GEMIN5: variants seen among roughly 807,000 people sequenced by gnomAD.
GEMIN5 encodes the protein gem nuclear organelle associated protein 5.
In GEMIN5, 124 loss-of-function variants were observed where a neutral mutation model predicts 176.9. The observed-to-expected ratio is 0.70, with a 90% CI of 0.61 to 0.81. The LOEUF is 0.81. GEMIN5 is among the 40% of genes least tolerant of loss of function. GEMIN5 has a pLI of 0.00. For missense variants in GEMIN5, 1,843 were observed against 1,814.6 expected (o/e 1.02, Z -0.28); for synonymous variants, 673 against 665.2 (o/e 1.01, Z -0.18).
intron 5 of GEMIN5, among the ~76,000 whole-genome samples, chr5:154,930,867 A>G (rs1226931265): frequency 6.6e-6 from 1 of 151,860 alleles, no homozygotes; most frequent in Admixed American, 6.5e-5. Context: ...AAGAAAGAAG[A>G]GAAGCCCGCT....
intron 11 of GEMIN5, 35 bp from the exon 12 acceptor site, chr5:154,918,039 CAT>C (rs1320428831): frequency 1.5e-6 from 2 of 1,324,334 alleles, no homozygotes; most frequent in Non-Finnish European, 2.2e-6. Context: ...TGACTATATA[CAT>C]ATCTCACAAA....
chr5:154,924,782 G>C lies in GEMIN5; in HGVS notation c.1294-228C>G, dbSNP rs199704979. On this transcript the variant is annotated intron_variant, in intron 8 of 27. Transcript: ENST00000285873. Reference sequence around the variant, plus strand: ...AGGCGGGCGGATCACGAGGTCAGGAGATCGAGACCATCCTGGCTAACACAG... The same window carrying C: ...AGGCGGGCGGATCACGAGGTCAGGACATCGAGACCATCCTGGCTAACACAG... 1.8e-3 allele frequency among the ~76,000 whole-genome samples: 277 copies of C among 152,214 alleles called. 4 individuals carry two copies. In the East Asian group the frequency reaches 0.024, roughly 13 times the overall value.
chr5:154,902,589 G>C lies in GEMIN5; in HGVS notation c.2816C>G (p.Ala939Gly). The part of the protein sequence containing the change: ...KGDLKGVLQT[A>G]AERGELTDNL... Reference sequence around the variant, plus strand: ...GTCTGTCAGCTCCCCTCTTTCTGCTGCAGTCTGGAGAACACCTTTGAGATC... The same window carrying C: ...GTCTGTCAGCTCCCCTCTTTCTGCTCCAGTCTGGAGAACACCTTTGAGATC... Residue 939 changes from alanine to glycine, a missense_variant, in exon 20 of 28, where the codon GCA (alanine) becomes GGA (glycine). Physicochemically the swap from Ala to Gly is moderately conservative, Grantham distance 60. Coordinates refer to ENST00000285873, the MANE Select transcript of GEMIN5 (RefSeq NM_015465.5). 6.2e-7 allele frequency: 1 copy of C among 1,613,990 alleles called. No homozygotes were observed. The highest frequency in any genetic ancestry group is 8.5e-7 in the Non-Finnish European group (1 of 1,179,834).
chr5:154,894,042 T>C (rs567137885), intron 24 of GEMIN5, among the ~76,000 whole-genome samples: 1 of 152,310 alleles, frequency 6.6e-6, no homozygotes, highest in East Asian at 1.9e-4. Flanking sequence ...TCTCCCAGAT[T>C]TGAATGATTC....
chr5:154,932,285 A>ACCC, intron 3 of GEMIN5, 35 bp from the exon 4 acceptor site: 1 of 1,504,630 alleles, frequency 6.6e-7, no homozygotes, highest in Non-Finnish European at 9.2e-7. Flanking sequence ...TACTAAAAAA[A>ACCC]TGAAGACAGA....
At chr5:154,904,163 A>G (rs1161324527) in intron 18 of GEMIN5, among the ~76,000 whole-genome samples, 1 of 152,170 alleles carries the variant, frequency 6.6e-6, no homozygotes, top group Non-Finnish European at 1.5e-5. Flanking sequence ...TCTCCATAGG[A>G]TACTGTTCAA....
rs1582681513 is a variant in GEMIN5, at chr5:154,936,965, CAGA to C, written c.327+57_327+59del. ...ATGAGCTAGCAAAACTAGCTTGCAA[CAGA>C]AGAACCCTCAGCACAGATAGATAAA... On this transcript the variant is annotated intron_variant, in intron 2 of 27. Coordinates refer to ENST00000285873, the MANE Select transcript of GEMIN5 (RefSeq NM_015465.5). 8 of 1,358,810 alleles carry C rather than the reference CAGA, an allele frequency of 5.9e-6. No individual in the cohort carries two copies. In the East Asian group the frequency reaches 9.4e-5, roughly 16 times the overall value. The allele number at this position is 1,358,810 out of a possible 1,614,324, so 84.2% of individuals were successfully genotyped here. A position where few individuals can be genotyped will look rare whatever the true frequency, so the allele number is the denominator to read the frequency against.
At chr5:154,928,935 T>A (rs1055398183) in intron 5 of GEMIN5, among the ~76,000 whole-genome samples, 4 of 152,052 alleles carry the variant, frequency 2.6e-5, no homozygotes, top group Admixed American at 6.6e-5. Flanking sequence ...GAGTATTTTT[T>A]TTTTTTGGCC....
At position 154,938,057 on chromosome 5, in the gene GEMIN5, C is replaced by A; in HGVS notation, c.77G>T (p.Gly26Val). The change falls in exon 1 of 28, where the codon GGC becomes GTC. Residue 26 changes from glycine to valine, a missense_variant. Gly to Val is a moderately radical substitution (Grantham distance 109, BLOSUM62 -3). Transcript: ENST00000285873. The stretch of plus-strand genomic sequence containing the variant: ...GGTCCGCGCGGCGAAGCCAAAGAGG[C>A]CCCCGGGCACGGCATCGCTGCAGCG... ...CARCSDAVPGGLFGFAARTSV... is the reference protein window; with the variant it reads ...CARCSDAVPGVLFGFAARTSV... The A allele has an allele frequency of 6.5e-7, 1 of 1,532,768 alleles. No individual in the cohort carries two copies. Among genetic ancestry groups the A allele is most frequent in the Non-Finnish European group, 8.7e-7 (1 of 1,143,722 alleles). The allele number at this position is 1,532,768 out of a possible 1,614,324, so 94.9% of individuals were successfully genotyped here.
At chr5:154,895,614 G>A (rs770359701) in intron 24 of GEMIN5, among the ~76,000 whole-genome samples, 3 of 152,184 alleles carry the variant, frequency 2.0e-5, no homozygotes, top group Non-Finnish European at 4.4e-5. Context: ...AATGAAACCA[G>A]AAAACCCTAC....
chr5:154,925,025 A>G (rs963336335), intron 8 of GEMIN5, among the ~76,000 whole-genome samples: 4 of 152,106 alleles, frequency 2.6e-5, no homozygotes, highest in African/African-American at 9.7e-5. Context: ...AAAAAAACAA[A>G]GTCAATGTCA....
In GEMIN5 at chr5:154,921,350, C is replaced by A; in HGVS notation, c.1455G>T (p.Met485Ile). 7.6e-7 allele frequency: 1 copy of A among 1,307,894 alleles called. No homozygotes were observed. The highest frequency in any genetic ancestry group is 1.1e-6 in the Non-Finnish European group (1 of 905,904). 81.0% of individuals were successfully genotyped at this position (1,307,894 alleles called of 1,614,324 possible). ...AATTGTTCAGATACTTACCAAGTGA[C>A]ATGGGGGGTACTGGTGGCCCCCAGG... is the stretch of plus-strand genomic sequence containing the variant. The part of the protein sequence containing the change: ...TLAWGPPVPP[M>I]SLGGEGDRPS... Residue 485 changes from methionine to isoleucine, a missense_variant, in exon 10 of 28, where the codon ATG becomes ATT. By Grantham distance (10) the Met-to-Ile change is conservative (BLOSUM62 1). Coordinates refer to ENST00000285873, the MANE Select transcript of GEMIN5 (RefSeq NM_015465.5).
At chr5:154,923,625 A>T (rs1436894509) in intron 9 of GEMIN5, among the ~76,000 whole-genome samples, 2 of 152,218 alleles carry the variant, frequency 1.3e-5, no homozygotes, top group Non-Finnish European at 2.9e-5. Context: ...ATTTTATTTA[A>T]TCTTCATATG....
At chr5:154,904,427 T>TC (rs1763528119) in intron 18 of GEMIN5, 80 bp downstream of exon 18, 1 of 1,200,464 alleles carries the variant, frequency 8.3e-7, no homozygotes, top group East Asian at 2.4e-5. Flanking sequence ...CTTTGGGCAT[T>TC]CATTTAATAA....
chr5:154,892,905 TG>T (rs1763266760), intron 24 of GEMIN5, among the ~76,000 whole-genome samples: 1 of 152,000 alleles, frequency 6.6e-6, no homozygotes, highest in Non-Finnish European at 1.5e-5. Context: ...AAGACCAGCC[TG>T]GCCAACATGG....
In GEMIN5 at chr5:154,899,209, T is replaced by C. The variant is rs1333182303; in HGVS notation, c.3116A>G (p.Tyr1039Cys). ...WGTVLERDGH[Y>C]AVAAKCYLGA... is the part of the protein sequence containing the mutation. Reference sequence around the variant, plus strand: ...GGCTTACCATTTGGCAGCTACAGCATAGTGGCCATCTCTTTCTAGGACGGT... The same window carrying C: ...GGCTTACCATTTGGCAGCTACAGCACAGTGGCCATCTCTTTCTAGGACGGT... Residue 1039 changes from tyrosine to cysteine, a missense_variant, in exon 22 of 28, where the codon TAT becomes TGT. Tyr to Cys is a radical substitution (Grantham distance 194). Transcript: ENST00000285873. 4.3e-6 allele frequency: 7 copies of C among 1,612,294 alleles called. No individual in the cohort carries two copies. In the East Asian group the frequency reaches 6.7e-5, roughly 15 times the overall value.
At chr5:154,911,423 G>C (rs1016075116) in intron 15 of GEMIN5, among the ~76,000 whole-genome samples, 1 of 152,170 alleles carries the variant, frequency 6.6e-6, no homozygotes, top group African/African-American at 2.4e-5. Flanking sequence ...CAAGGTGCGA[G>C]AATTGCTTTA....
chr5:154,893,286 C>T (rs1159039202), intron 24 of GEMIN5, among the ~76,000 whole-genome samples: 2 of 146,332 alleles, frequency 1.4e-5, no homozygotes, highest in Admixed American at 6.8e-5. Context: ...AAAAATTAGC[C>T]GGGCTTGGTG....
intron 3 of GEMIN5, among the ~76,000 whole-genome samples, chr5:154,933,525 T>C (rs1007805217): frequency 1.3e-5 from 2 of 152,222 alleles, no homozygotes; most frequent in East Asian, 1.9e-4. Context: ...TCTAAGACAA[T>C]TTCAGGTTTG....
Sources: gnomAD v4.1 joint callset for allele counts (sites outside exome capture counted in the v4.1 genomes callset) on GRCh38, gnomAD v4.1.1 for gene constraint, MANE v1.5 for transcripts, NCBI Gene and HGNC (gene_info 2026-07-23, HGNC 2026-07-21) for gene names.